KALRN: variants seen among roughly 807,000 people sequenced by gnomAD.
KALRN encodes kalirin RhoGEF kinase.
KALRN carries 70 observed loss-of-function variants against 353.7 expected under a neutral mutation model. The ratio of observed to expected loss-of-function variants is 0.20; its 90% CI spans 0.16 to 0.24. The LOEUF is 0.24. Among genes scored for constraint, KALRN ranks in the 10% least tolerant of loss-of-function variants. KALRN has a pLI of 1.00. For synonymous variants in KALRN, 1,391 were observed against 1,434.8 expected (o/e 0.97, Z 0.69); for missense variants, 2,791 against 3,756.7 (o/e 0.74, Z 6.72).
At chr3:124,664,370 T>TGTGTGTGCGCGCGC (rs370394911) in intron 45 of KALRN, among the ~76,000 whole-genome samples, 1 of 129,534 alleles carries the variant, frequency 7.7e-6, no homozygotes, top group African/African-American at 2.9e-5. Flanking sequence ...TGTGTGTGTG[T>TGTGTGTGCGCGCGC]GCGCGCGCGC....
intron 23 of KALRN, 66 bp downstream of exon 23, chr3:124,456,794 G>T (rs778820849): frequency 8.3e-6 from 9 of 1,084,040 alleles, no homozygotes; most frequent in Non-Finnish European, 1.3e-5. Flanking sequence ...ACCGCTACTT[G>T]TCCCTTTGGA....
intron 1 of KALRN, among the ~76,000 whole-genome samples, chr3:124,129,954 G>A (rs1262757747): frequency 1.3e-5 from 2 of 152,176 alleles, no homozygotes; most frequent in South Asian, 2.1e-4. Context: ...TGTCTAGCTC[G>A]GTAACAGAAT....
At chr3:124,596,746 T>C (rs749844535) in intron 34 of KALRN, among the ~76,000 whole-genome samples, 8 of 152,136 alleles carry the variant, frequency 5.3e-5, no homozygotes, top group Non-Finnish European at 1.2e-4. Context: ...GGATTATTAC[T>C]ATCATTAATA....
Position 124,713,019 on chromosome 3 carries a change from G to GA in KALRN, c.8162dup (p.Lys2722GlufsTer24). 2 of 1,614,052 alleles carry GA rather than the reference G, an allele frequency of 1.2e-6. No individual in the cohort carries two copies. The highest frequency in any genetic ancestry group is 1.7e-6 in the Non-Finnish European group (2 of 1,179,982). On this transcript the variant is annotated frameshift_variant, in exon 58 of 60. Coordinates refer to ENST00000682506, the MANE Select transcript of KALRN (RefSeq NM_001388419.1). LOFTEE classifies it high-confidence loss of function. The stretch of plus-strand genomic sequence containing the variant: ...TGAAATTTGTTAGCAAAAAAATGAA[G>GA]AAGAAAGAACAGGCTGCCCACGAGG...
chr3:124,709,260 C>G (rs2062780168), intron 57 of KALRN, among the ~76,000 whole-genome samples: 2 of 152,006 alleles, frequency 1.3e-5, no homozygotes, highest in Middle Eastern at 6.8e-3. Context: ...AAAACAGAAC[C>G]TTTTTTAAAA....
At chr3:124,265,602 A>G (rs1308859054) in intron 4 of KALRN, among the ~76,000 whole-genome samples, 1 of 152,060 alleles carries the variant, frequency 6.6e-6, no homozygotes, top group African/African-American at 2.4e-5. Flanking sequence ...CTAATTTAAG[A>G]AAATATTCTT....
At chr3:124,693,933 C>A in intron 52 of KALRN, 102 bp downstream of exon 52, 1 of 794,402 alleles carries the variant, frequency 1.3e-6, no homozygotes, top group Non-Finnish European at 2.0e-6. Context: ...TGATATAGTT[C>A]TGTATCAATG....
At chr3:124,716,277 G>A (rs946973882) in intron 58 of KALRN, among the ~76,000 whole-genome samples, 22 of 152,308 alleles carry the variant, frequency 1.4e-4, no homozygotes, top group South Asian at 1.2e-3. Flanking sequence ...TAATCCCACC[G>A]TTTTGGGAGG....
chr3:124,233,958 A>G (rs2079467403), intron 2 of KALRN, among the ~76,000 whole-genome samples: 2 of 152,144 alleles, frequency 1.3e-5, no homozygotes, highest in Non-Finnish European at 1.5e-5. Flanking sequence ...TCCACTTCCT[A>G]AGCATAGTGT....
At chr3:124,620,185 T>G (rs1208484975) in intron 34 of KALRN, among the ~76,000 whole-genome samples, 1 of 152,106 alleles carries the variant, frequency 6.6e-6, no homozygotes, top group Non-Finnish European at 1.5e-5. Flanking sequence ...ACTGCAGCCT[T>G]GACCTCCTGG....
At chr3:124,622,533 G>A (rs1384276042) in intron 34 of KALRN, among the ~76,000 whole-genome samples, 1 of 152,154 alleles carries the variant, frequency 6.6e-6, no homozygotes, top group East Asian at 1.9e-4. Flanking sequence ...AAAATAGTGA[G>A]CCAGCCTCAT....
chr3:124,696,022 C>T (rs940384866), intron 53 of KALRN, 112 bp from the exon 54 acceptor site: 3 of 1,078,252 alleles, frequency 2.8e-6, no homozygotes, highest in East Asian at 2.5e-5. Context: ...GGACTGACCT[C>T]GGGCCTGAGG....
intron 11 of KALRN, among the ~76,000 whole-genome samples, chr3:124,391,388 G>T (rs1176152345): frequency 6.6e-6 from 1 of 152,148 alleles, no homozygotes; most frequent in Non-Finnish European, 1.5e-5. Context: ...AACACGCGTG[G>T]TTGCTGCTGC....
At chr3:124,712,891 G>T (rs1452853126) in intron 57 of KALRN, 44 bp from the exon 58 acceptor site, 1 of 1,393,248 alleles carries the variant, frequency 7.2e-7, no homozygotes, top group Non-Finnish European at 1.0e-6. Flanking sequence ...AATATATCTA[G>T]TTAATTAATG....
At chr3:124,146,086 C>T (rs1484988524) in intron 1 of KALRN, among the ~76,000 whole-genome samples, 1 of 152,198 alleles carries the variant, frequency 6.6e-6, no homozygotes, top group African/African-American at 2.4e-5. Context: ...ACTCAGAGAG[C>T]ATACAATCCT....
chr3:124,557,640 T>C (rs1291142330), intron 33 of KALRN, among the ~76,000 whole-genome samples: 2 of 152,208 alleles, frequency 1.3e-5, no homozygotes, highest in Non-Finnish European at 2.9e-5. Flanking sequence ...GCTGTTCATA[T>C]GTAGATGTTA....
chr3:124,650,898 C>A lies in KALRN; in HGVS notation c.5755C>A (p.Pro1919Thr). The A allele has an allele frequency of 6.2e-7, 1 of 1,614,170 alleles. No individual in the cohort carries two copies. The highest frequency in any genetic ancestry group is 8.5e-7 in the Non-Finnish European group (1 of 1,180,032). Reference sequence around the variant, plus strand: ...GGCCCCACCCACACCTCCTAAAAACCCAGAAGAAGAACAGAAAGCCAAGGC... The same window carrying A: ...GGCCCCACCCACACCTCCTAAAAACACAGAAGAAGAACAGAAAGCCAAGGC... ...GMAPPTPPKN[P>T]EEEQKAKALR... Residue 1919 changes from proline to threonine, a missense_variant, in exon 38 of 60, where the codon CCA (proline) becomes ACA (threonine). Physicochemically the swap from Pro to Thr is conservative, Grantham distance 38. This residue lies in a region of KALRN where 1,065 missense variants were observed against 1,156.4 expected (regional missense o/e 0.92). Transcript: ENST00000682506.
chr3:124,449,198 G>C (rs966722701), intron 21 of KALRN, among the ~76,000 whole-genome samples: 1 of 152,150 alleles, frequency 6.6e-6, no homozygotes, highest in Non-Finnish European at 1.5e-5. Flanking sequence ...TTAGCCACAA[G>C]AGAATACATA....
At chr3:124,496,120 A>G (rs2063822002) in intron 32 of KALRN, among the ~76,000 whole-genome samples, 191 bp from the exon 33 acceptor site, 1 of 149,950 alleles carries the variant, frequency 6.7e-6, no homozygotes, top group Admixed American at 6.6e-5. Context: ...TTATGTGTTT[A>G]CTAAGTGCAA....
Sources: allele counts gnomAD v4.1 joint callset (sites outside exome capture counted in the v4.1 genomes callset), GRCh38; gene constraint gnomAD v4.1.1; regional missense constraint gnomAD v4.1.1; transcripts MANE v1.5; gene names NCBI Gene and HGNC (gene_info 2026-07-23, HGNC 2026-07-21).